The following BRINP1 variants were observed in gnomAD, a reference collection of about 807,000 sequenced individuals.
BRINP1 encodes the protein BMP/retinoic acid inducible neural specific 1, also known as BMP/retinoic acid-inducible neural-specific protein 1.
A neutral mutation model predicts 72.9 loss-of-function variants in BRINP1; 17 were observed. That is an observed-to-expected ratio of 0.23 (90% CI 0.16 to 0.35). The LOEUF (loss-of-function observed/expected upper bound fraction) is 0.35, where lower values mean the gene tolerates loss of function less well. Ranked by LOEUF, BRINP1 falls within the 10% of genes least tolerant of loss-of-function variation. The pLI is 1.00. For synonymous variants in BRINP1, 418 were observed against 378.5 expected, an observed-to-expected ratio of 1.10 and a Z score of -1.21; for missense variants, 850 against 1,001.6, an observed-to-expected ratio of 0.85 and a Z score of 2.04.
intron 4 of BRINP1, among the ~76,000 whole-genome samples, chr9:119,241,308 C>G (rs1029135080): frequency 6.6e-6 from 1 of 152,108 alleles, no homozygotes; most frequent in African/African-American, 2.4e-5. Flanking sequence ...TGTAGGCGAG[C>G]CTAGATCAGC....
Position 119,208,953 on chromosome 9 carries a change from C to T in BRINP1, c.923-12G>A, listed in dbSNP as rs1313759582. The T allele has an allele frequency of 6.2e-7, 1 of 1,606,198 alleles. No homozygotes were observed. Among genetic ancestry groups the T allele is most frequent in the African/African-American group, 1.3e-5 (1 of 74,746 alleles). On this transcript the variant is annotated splice_polypyrimidine_tract_variant and intron_variant, in intron 6 of 7. Transcript: ENST00000265922. ...TGATTTAAACTCATCTAGTGAGAGA[C>T]AAAGGCCGAGAGAGAAGGGCTAAGC...
chr9:119,269,199 C>T (rs1830582587), intron 2 of BRINP1, among the ~76,000 whole-genome samples: 1 of 152,222 alleles, frequency 6.6e-6, no homozygotes, highest in Non-Finnish European at 1.5e-5. Flanking sequence ...CCAAAGCAGA[C>T]ATCTGAACTT....
At chr9:119,187,492 C>T (rs1469919299) in intron 7 of BRINP1, among the ~76,000 whole-genome samples, 1 of 151,450 alleles carries the variant, frequency 6.6e-6, no homozygotes, top group Non-Finnish European at 1.5e-5. Flanking sequence ...ATGGCTACAC[C>T]AGTGCGCCCA....
chr9:119,316,018 G>GA (rs1345492833), intron 1 of BRINP1, among the ~76,000 whole-genome samples: 1 of 152,224 alleles, frequency 6.6e-6, no homozygotes, highest in East Asian at 1.9e-4. Context: ...TGCTGATGGA[G>GA]AAGGTGCAGC....
chr9:119,172,958 A>G lies in BRINP1; in HGVS notation c.1146-4734T>C, dbSNP rs1465221840. Among the ~76,000 whole-genome samples, 2 of 150,694 alleles carry G rather than the reference A, an allele frequency of 1.3e-5. 1 individual carries two copies. Among genetic ancestry groups the G allele is most frequent in the Non-Finnish European group, 2.9e-5 (2 of 67,918 alleles). The stretch of plus-strand genomic sequence containing the variant: ...CCTTCATGCTAAAAACTCTCAATAA[A>G]TTAGGTATTGATGGGACGTATTTCA... On this transcript the variant is annotated intron_variant, in intron 7 of 7. Coordinates refer to ENST00000265922, the MANE Select transcript of BRINP1 (RefSeq NM_014618.3).
intron 5 of BRINP1, among the ~76,000 whole-genome samples, chr9:119,215,558 T>C (rs1189213065): frequency 6.6e-6 from 1 of 152,222 alleles, no homozygotes; most frequent in East Asian, 1.9e-4. Flanking sequence ...GGGACACTCC[T>C]TAATCCAACT....
chr9:119,366,910 T>A (rs892931723), intron 1 of BRINP1, among the ~76,000 whole-genome samples: 5 of 151,868 alleles, frequency 3.3e-5, no homozygotes, highest in Admixed American at 3.3e-4. Flanking sequence ...TCCTTCCAGT[T>A]TCGATCGTCT....
At chr9:119,232,899 T>C (rs571149923) in intron 5 of BRINP1, among the ~76,000 whole-genome samples, 14 of 152,122 alleles carry the variant, frequency 9.2e-5, no homozygotes, top group Non-Finnish European at 1.8e-4. Context: ...AATAAGAAGT[T>C]ATCATTATGC....
intron 2 of BRINP1, among the ~76,000 whole-genome samples, chr9:119,300,780 G>A (rs991357433): frequency 2.6e-5 from 4 of 152,144 alleles, no homozygotes; most frequent in African/African-American, 9.7e-5. Context: ...CTCTTGCCAA[G>A]GTCAAGACTT....
At chr9:119,304,287 C>T (rs77347706) in intron 2 of BRINP1, among the ~76,000 whole-genome samples, 2,440 of 152,228 alleles carry the variant, frequency 0.016, 65 homozygotes, top group African/African-American at 0.055. Flanking sequence ...AGCAACGTGC[C>T]TAAGATTTCA....
chr9:119,305,310 T>C (rs1830984258), intron 2 of BRINP1, among the ~76,000 whole-genome samples: 1 of 152,178 alleles, frequency 6.6e-6, no homozygotes, highest in Non-Finnish European at 1.5e-5. Flanking sequence ...GTCAAAAATG[T>C]ACAAAAACAA....
intron 1 of BRINP1, among the ~76,000 whole-genome samples, chr9:119,343,629 G>A (rs927433805): frequency 2.0e-5 from 3 of 151,888 alleles, no homozygotes; most frequent in Admixed American, 2.0e-4. Flanking sequence ...ATCTCTGTAG[G>A]GTGTTTCCTA....
chr9:119,213,916 T>C lies in BRINP1; in HGVS notation c.922+3A>G, dbSNP rs1394992518. On this transcript the variant is annotated splice_donor_region_variant and intron_variant, in intron 6 of 7. Coordinates refer to ENST00000265922, the MANE Select transcript of BRINP1 (RefSeq NM_014618.3). ...TGCAGTGGCACTGAGTGAGACTCTCTACCTGAATTCTCCAGGTCCTTATAA... is the reference window on the plus strand; with the variant it reads ...TGCAGTGGCACTGAGTGAGACTCTCCACCTGAATTCTCCAGGTCCTTATAA... 1.2e-6 allele frequency: 2 copies of C among 1,610,746 alleles called. No individual in the cohort carries two copies. Among genetic ancestry groups the C allele is most frequent in the Non-Finnish European group, 8.5e-7 (1 of 1,176,872 alleles).
chr9:119,360,122 A>G (rs1378733567), intron 1 of BRINP1, among the ~76,000 whole-genome samples: 2 of 152,220 alleles, frequency 1.3e-5, no homozygotes, highest in Admixed American at 1.3e-4. Context: ...AAAATTCTTT[A>G]TAAGCTCTCT....
intron 2 of BRINP1, among the ~76,000 whole-genome samples, chr9:119,276,851 T>G (rs1830662088): frequency 6.6e-6 from 1 of 152,204 alleles, no homozygotes; most frequent in Admixed American, 6.5e-5. Flanking sequence ...TTATTATTAT[T>G]CACATACAAT....
At chr9:119,215,517 T>G (rs1829968449) in intron 5 of BRINP1, among the ~76,000 whole-genome samples, 2 of 152,208 alleles carry the variant, frequency 1.3e-5, no homozygotes, top group African/African-American at 4.8e-5. Flanking sequence ...GTATTCTTAT[T>G]TGGATTATTT....
chr9:119,172,312 C>T (rs1340737205), intron 7 of BRINP1, among the ~76,000 whole-genome samples: 2 of 151,918 alleles, frequency 1.3e-5, no homozygotes, highest in Non-Finnish European at 2.9e-5. Context: ...ACCACCAATC[C>T]CACAGAAATA....
intron 2 of BRINP1, among the ~76,000 whole-genome samples, chr9:119,294,670 A>G (rs908479063): frequency 6.6e-6 from 1 of 152,090 alleles, no homozygotes; most frequent in Admixed American, 6.6e-5. Flanking sequence ...GTTTGAGACT[A>G]GCCTGGCCAA....
At chr9:119,239,184 A>G (rs1467369016) in intron 4 of BRINP1, among the ~76,000 whole-genome samples, 1 of 152,232 alleles carries the variant, frequency 6.6e-6, no homozygotes, top group Non-Finnish European at 1.5e-5. Context: ...TCTCTTCCAG[A>G]GAGGTTGTGA....
Sources: gnomAD v4.1 joint callset for allele counts (sites outside exome capture counted in the v4.1 genomes callset) on GRCh38, gnomAD v4.1.1 for gene constraint, MANE v1.5 for transcripts, NCBI Gene and HGNC (gene_info 2026-07-23, HGNC 2026-07-21) for gene names.